Variants in AK5 observed in about 807,000 individuals in gnomAD.
AK5 encodes adenylate kinase isoenzyme 5.
Under a neutral mutation model 69.5 loss-of-function variants are expected in AK5, and 27 were observed. The ratio of observed to expected loss-of-function variants is 0.39; its 90% CI spans 0.29 to 0.54. The LOEUF is 0.54. AK5 is among the 20% of genes least tolerant of loss of function. The pLI is 0.71. For synonymous variants in AK5, 260 were observed against 244.4 expected, an observed-to-expected ratio of 1.06 and a Z score of -0.60; for missense variants, 531 against 700.4, an observed-to-expected ratio of 0.76 and a Z score of 2.73.
In AK5 at chr1:77,288,067, T is replaced by A. The variant is rs1025108122; in HGVS notation, c.247+940T>A. 2.6e-5 allele frequency among the ~76,000 whole-genome samples: 4 copies of A among 152,186 alleles called. No individual in the cohort carries two copies. In the East Asian group the frequency reaches 7.7e-4, roughly 29 times the overall value. On this transcript the variant is annotated intron_variant, in intron 2 of 13. Coordinates refer to ENST00000354567, the MANE Select transcript of AK5 (RefSeq NM_174858.3). ...TGTATTAAGCATCTACTGAATGCAA[T>A]GTATTAATCTAACACATTAATCTAA...
intron 13 of AK5, 41 bp downstream of exon 13, chr1:77,536,079 C>CTT (rs372151681): frequency 5.7e-4 from 716 of 1,254,684 alleles, no homozygotes; most frequent in South Asian, 8.1e-4. Context: ...AGCCGCTTAC[C>CTT]TTTTTTTTTT....
At chr1:77,480,981 C>T (rs965304775) in intron 8 of AK5, among the ~76,000 whole-genome samples, 5 of 152,200 alleles carry the variant, frequency 3.3e-5, no homozygotes, top group Admixed American at 2.0e-4. Flanking sequence ...CTGGCTCCAT[C>T]CTAACTTCAG....
At chr1:77,293,606 C>T in intron 2 of AK5, 187 bp from the exon 3 acceptor site, 2 of 485,738 alleles carry the variant, frequency 4.1e-6, no homozygotes, top group Non-Finnish European at 7.2e-6. Context: ...GCACGGCTCT[C>T]AAAGCCCAAA....
intron 10 of AK5, among the ~76,000 whole-genome samples, chr1:77,507,239 A>G (rs1434533575): frequency 6.6e-6 from 1 of 152,182 alleles, no homozygotes; most frequent in East Asian, 1.9e-4. Context: ...TGTGCAGTGC[A>G]TTTCCCAAAG....
intron 11 of AK5, among the ~76,000 whole-genome samples, chr1:77,521,285 G>A (rs915844204): frequency 1.3e-5 from 2 of 151,892 alleles, no homozygotes; most frequent in Non-Finnish European, 1.5e-5. Flanking sequence ...AGGTGCCCAC[G>A]GCAATGCCCG....
At chr1:77,514,215 C>T (rs1055369489) in intron 10 of AK5, among the ~76,000 whole-genome samples, 1 of 152,080 alleles carries the variant, frequency 6.6e-6, no homozygotes, top group African/African-American at 2.4e-5. Context: ...AATCATATCA[C>T]GTGGTATGGT....
chr1:77,527,419 C>G (rs1307256602), intron 12 of AK5, among the ~76,000 whole-genome samples: 3 of 152,164 alleles, frequency 2.0e-5, no homozygotes, highest in Non-Finnish European at 1.5e-5. Flanking sequence ...CCACTGTGGT[C>G]CCCGTTCAGA....
At chr1:77,348,848 A>G (rs547372384) in intron 6 of AK5, among the ~76,000 whole-genome samples, 2 of 152,310 alleles carry the variant, frequency 1.3e-5, no homozygotes, top group African/African-American at 4.8e-5. Flanking sequence ...AATGTCAACA[A>G]ATATTCCAGA....
chr1:77,406,705 G>GAAAAAAAAA (rs891657357), intron 6 of AK5, among the ~76,000 whole-genome samples: 1 of 140,282 alleles, frequency 7.1e-6, no homozygotes, highest in African/African-American at 2.6e-5. Context: ...TGATGCTGAG[G>GAAAAAAAAA]AAAAAAAAAA....
intron 8 of AK5, among the ~76,000 whole-genome samples, chr1:77,437,393 C>T (rs1652018582): frequency 6.6e-6 from 1 of 152,024 alleles, no homozygotes; most frequent in Non-Finnish European, 1.5e-5. Flanking sequence ...AATCATGAGA[C>T]AGCAAAACAT....
intron 1 of AK5, chr1:77,283,430 T>G (rs974836990): frequency 2.3e-6 from 2 of 886,244 alleles, no homozygotes; most frequent in Non-Finnish European, 2.6e-6. Flanking sequence ...GTCATGAGGG[T>G]TTTTCCCCCC....
chr1:77,380,239 C>A (rs1246089732), intron 6 of AK5, among the ~76,000 whole-genome samples: 1 of 152,184 alleles, frequency 6.6e-6, no homozygotes, highest in Non-Finnish European at 1.5e-5. Context: ...AAAACCCAAG[C>A]CTAGAGCCCC....
At chr1:77,490,246 C>T (rs1189510527) in intron 10 of AK5, among the ~76,000 whole-genome samples, 1 of 152,176 alleles carries the variant, frequency 6.6e-6, no homozygotes, top group Non-Finnish European at 1.5e-5. Flanking sequence ...ATGCTCCTTT[C>T]TCCATGAAGC....
chr1:77,407,804 C>T (rs1240129485), intron 6 of AK5, among the ~76,000 whole-genome samples: 2 of 151,982 alleles, frequency 1.3e-5, no homozygotes, highest in Non-Finnish European at 2.9e-5. Flanking sequence ...TCTAGTAGTC[C>T]CCAGAGTCTG....
intron 6 of AK5, among the ~76,000 whole-genome samples, chr1:77,367,770 G>GTTATATA (rs1557533833): frequency 3.0e-3 from 16 of 5,276 alleles, no homozygotes; most frequent in Admixed American, 3.7e-3. Flanking sequence ...TATAATATAT[G>GTTATATA]TTATATATAA....
chr1:77,544,541 T>G (rs549272684), intron 13 of AK5, among the ~76,000 whole-genome samples: 1 of 152,140 alleles, frequency 6.6e-6, no homozygotes, highest in Non-Finnish European at 1.5e-5. Flanking sequence ...AAAGTCTTTT[T>G]TTTTTTACTT....
chr1:77,380,784 C>G (rs1647575510), intron 6 of AK5, among the ~76,000 whole-genome samples: 1 of 152,046 alleles, frequency 6.6e-6, no homozygotes, highest in Non-Finnish European at 1.5e-5. Context: ...AGAAAGTCTC[C>G]AAAGAAGAGA....
At chr1:77,402,899 T>A (rs1381246455) in intron 6 of AK5, among the ~76,000 whole-genome samples, 1 of 152,230 alleles carries the variant, frequency 6.6e-6, no homozygotes, top group Non-Finnish European at 1.5e-5. Flanking sequence ...TGAGCTAGTT[T>A]ACAGTCCCAC....
intron 8 of AK5, among the ~76,000 whole-genome samples, chr1:77,475,438 T>C (rs1236586014): frequency 5.1e-5 from 1 of 19,668 alleles, no homozygotes; most frequent in Admixed American, 1.1e-3. Context: ...TATATATGTA[T>C]ATATATTATA....
Sources: gnomAD v4.1 joint callset for allele counts (sites outside exome capture counted in the v4.1 genomes callset) on GRCh38, gnomAD v4.1.1 for gene constraint, MANE v1.5 for transcripts, NCBI Gene and HGNC (gene_info 2026-07-23, HGNC 2026-07-21) for gene names.